SLC10A7: variants seen among roughly 807,000 people sequenced by gnomAD.
SLC10A7 encodes solute carrier family 10 member 7.
Under a neutral mutation model 43.2 loss-of-function variants are expected in SLC10A7, and 29 were observed. The ratio of observed to expected loss-of-function variants is 0.67; its 90% confidence interval spans 0.50 to 0.92. SLC10A7 has a LOEUF of 0.92. Ranked by LOEUF, SLC10A7 falls within the 40% of genes least tolerant of loss-of-function variation. The pLI is 0.00. For missense variants in SLC10A7, 295 were observed against 403.2 expected (o/e 0.73, Z 2.30); for synonymous variants, 152 against 144.8 (o/e 1.05, Z -0.35).
intron 3 of SLC10A7, among the ~76,000 whole-genome samples, chr4:146,508,726 T>A (rs1448424432): frequency 6.6e-6 from 1 of 152,160 alleles, no homozygotes; most frequent in Non-Finnish European, 1.5e-5. Context: ...ACTCTCTGAG[T>A]TGATTTCTCT....
chr4:146,402,230 T>G (rs1387788126), intron 5 of SLC10A7, among the ~76,000 whole-genome samples: 1 of 152,182 alleles, frequency 6.6e-6, no homozygotes, highest in Non-Finnish European at 1.5e-5. Context: ...TATATCTATC[T>G]ATCTACATGT....
chr4:146,270,078 C>A (rs754833646), intron 10 of SLC10A7, among the ~76,000 whole-genome samples: 10 of 152,132 alleles, frequency 6.6e-5, no homozygotes, highest in Non-Finnish European at 1.0e-4. Context: ...GGATTAAAAA[C>A]CAGACTTATT....
intron 5 of SLC10A7, among the ~76,000 whole-genome samples, chr4:146,391,453 T>C (rs1738421957): frequency 6.6e-6 from 1 of 152,204 alleles, no homozygotes; most frequent in Non-Finnish European, 1.5e-5. Flanking sequence ...AAAACACTGC[T>C]AAAAGCAAAC....
At chr4:146,363,396 C>T (rs182875083) in intron 5 of SLC10A7, among the ~76,000 whole-genome samples, 2 of 152,076 alleles carry the variant, frequency 1.3e-5, no homozygotes, top group Non-Finnish European at 2.9e-5. Flanking sequence ...GAGAGAGAGA[C>T]CCAATACAAT....
chr4:146,355,179 A>G (rs952524386), intron 5 of SLC10A7, among the ~76,000 whole-genome samples: 1 of 151,392 alleles, frequency 6.6e-6, no homozygotes, highest in African/African-American at 2.4e-5. Context: ...AATGAACTCA[A>G]ACAAATTTAC....
At chr4:146,486,189 G>A (rs1447061505) in intron 4 of SLC10A7, among the ~76,000 whole-genome samples, 1 of 152,142 alleles carries the variant, frequency 6.6e-6, no homozygotes, top group East Asian at 1.9e-4. Flanking sequence ...TACTCAACTA[G>A]AAACTGCAGG....
chr4:146,442,925 A>G (rs1730721514), intron 4 of SLC10A7, 104 bp from the exon 5 acceptor site: 2 of 838,264 alleles, frequency 2.4e-6, no homozygotes, highest in Admixed American at 3.4e-5. Context: ...AAACCTTAAA[A>G]CATTGACTCT....
At chr4:146,334,942 C>A (rs1185911982) in intron 5 of SLC10A7, among the ~76,000 whole-genome samples, 2 of 151,956 alleles carry the variant, frequency 1.3e-5, no homozygotes, top group Non-Finnish European at 2.9e-5. Context: ...TGTGTTACGA[C>A]TATTGGGAAA....
At chr4:146,452,997 C>T (rs1246263478) in intron 4 of SLC10A7, among the ~76,000 whole-genome samples, 1 of 148,456 alleles carries the variant, frequency 6.7e-6, no homozygotes, top group Non-Finnish European at 1.5e-5. Context: ...ATACTATATA[C>T]AGATATAGAT....
intron 9 of SLC10A7, among the ~76,000 whole-genome samples, chr4:146,284,836 C>T (rs534744775): frequency 4.6e-5 from 7 of 152,054 alleles, no homozygotes; most frequent in South Asian, 2.1e-4. Context: ...CATAAGGTTC[C>T]GTAAATGCAT....
Position 146,256,374 on chromosome 4 carries a change from T to A in SLC10A7, c.*117A>T. The A allele has an allele frequency of 1.0e-6, 1 of 954,356 alleles. No homozygotes were observed. The highest frequency in any genetic ancestry group is 2.1e-5 in the Admixed American group (1 of 47,864). The allele number at this position is 954,356 out of a possible 1,614,324, so 59.1% of individuals were successfully genotyped here. A position where few individuals can be genotyped will look rare whatever the true frequency, so the allele number is the denominator to read the frequency against. Reference sequence around the variant, plus strand: ...GGCACTTAAACAGGATCTCATATTTTTGTGTAAAAAAATAAAATATGCATT... The same window carrying A: ...GGCACTTAAACAGGATCTCATATTTATGTGTAAAAAAATAAAATATGCATT... On this transcript the variant is annotated 3_prime_UTR_variant, in exon 12 of 12. Coordinates refer to ENST00000335472, the MANE Select transcript of SLC10A7 (RefSeq NM_001029998.6).
chr4:146,485,590 C>T (rs971924434), intron 4 of SLC10A7, among the ~76,000 whole-genome samples: 1 of 152,124 alleles, frequency 6.6e-6, no homozygotes, highest in Non-Finnish European at 1.5e-5. Context: ...TTATTACTGC[C>T]AGAGCAGACA....
At chr4:146,509,739 T>C (rs1737275092) in intron 3 of SLC10A7, among the ~76,000 whole-genome samples, 174 bp downstream of exon 3, 1 of 152,198 alleles carries the variant, frequency 6.6e-6, no homozygotes, top group African/African-American at 2.4e-5. Context: ...CTGTTAATTA[T>C]TTGATGAACC....
intron 5 of SLC10A7, among the ~76,000 whole-genome samples, chr4:146,432,592 G>C (rs970266671): frequency 6.6e-6 from 1 of 152,186 alleles, no homozygotes; most frequent in African/African-American, 2.4e-5. Flanking sequence ...AGAGACTGAG[G>C]ATAAGGGAGG....
At chr4:146,321,058 C>T (rs1372168954) in intron 6 of SLC10A7, among the ~76,000 whole-genome samples, 1 of 152,050 alleles carries the variant, frequency 6.6e-6, no homozygotes. Context: ...TGCCTGAATA[C>T]CCAGAAATTT....
chr4:146,511,062 T>C (rs1267596619), intron 2 of SLC10A7, among the ~76,000 whole-genome samples: 2 of 152,134 alleles, frequency 1.3e-5, no homozygotes, highest in African/African-American at 2.4e-5. Context: ...GATGAAGAAA[T>C]TGAAGTTGAG....
In SLC10A7 at chr4:146,333,374, T is replaced by C. The variant is rs148039156; in HGVS notation, c.436-7378A>G. 1.2e-3 allele frequency among the ~76,000 whole-genome samples: 185 copies of C among 152,242 alleles called. 1 individual carries two copies. Among genetic ancestry groups the C allele is most frequent in the African/African-American group, 4.2e-3 (176 of 41,552 alleles). ...ACAGAGGTGAATGACACATACACAA[T>C]CAATGCCCTCAACGTTTTTTAGAGA... is the stretch of plus-strand genomic sequence containing the variant. On this transcript the variant is annotated intron_variant, in intron 5 of 11. Transcript: ENST00000335472.
chr4:146,480,058 A>G (rs1734339743), intron 4 of SLC10A7, among the ~76,000 whole-genome samples: 1 of 151,042 alleles, frequency 6.6e-6, no homozygotes, highest in Non-Finnish European at 1.5e-5. Flanking sequence ...GGCATACTGC[A>G]GCTAAATAAC....
At chr4:146,290,594 T>A (rs1445065843) in intron 9 of SLC10A7, among the ~76,000 whole-genome samples, 1 of 152,062 alleles carries the variant, frequency 6.6e-6, no homozygotes, top group East Asian at 1.9e-4. Flanking sequence ...TTGCGGTGAA[T>A]CATGCCTATA....
Sources: gnomAD v4.1 joint callset for allele counts (sites outside exome capture counted in the v4.1 genomes callset) on GRCh38, gnomAD v4.1.1 for gene constraint, MANE v1.5 for transcripts, NCBI Gene and HGNC (gene_info 2026-07-23, HGNC 2026-07-21) for gene names.